The following FHIT variants were observed in gnomAD, a reference collection of about 807,000 sequenced individuals.
The protein encoded by FHIT is fragile histidine triad diadenosine triphosphatase.
A neutral mutation model predicts 17.9 loss-of-function variants in FHIT; 19 were observed. The ratio of observed to expected loss-of-function variants is 1.06; its 90% CI spans 0.74 to 1.56. The LOEUF is 1.56. Among genes scored for constraint, FHIT ranks in the 40% most tolerant of loss-of-function variants. The pLI is 0.00. For synonymous variants in FHIT, 81 were observed against 69.7 expected (o/e 1.16, Z -0.81); for missense variants, 248 against 189.2 (o/e 1.31, Z -1.82).
intron 7 of FHIT, among the ~76,000 whole-genome samples, chr3:59,927,062 A>G (rs1705696953): frequency 6.6e-6 from 1 of 152,090 alleles, no homozygotes; most frequent in Non-Finnish European, 1.5e-5. Context: ...CAAAAAGTAT[A>G]AAAAACTCAA....
Position 60,229,423 on chromosome 3 carries a change from AG to A in FHIT, c.104-215272del, listed in dbSNP as rs1291807440. Among the ~76,000 whole-genome samples the A allele has an allele frequency of 8.6e-5, 13 of 150,470 alleles. No individual in the cohort carries two copies. The South Asian group carries it at 1.2e-3, about 14-fold the overall frequency. ...CAAAGTGAGTGAGACATCATCAAAA[AG>A]AAAAAAAAAAAAAGAAAAAGAAAAG... On this transcript the variant is annotated intron_variant, in intron 5 of 9. Transcript: ENST00000492590.
chr3:60,639,133 T>A lies in FHIT; in HGVS notation c.-17-102154A>T, dbSNP rs188075059. On this transcript the variant is annotated intron_variant, in intron 4 of 9. Transcript: ENST00000492590. ...GCTCTATAGTTAAAGCAACTTTGTG[T>A]CCTAAGGGCATTTGCGAATTTGCAT... 1.4e-3 allele frequency among the ~76,000 whole-genome samples: 207 copies of A among 149,354 alleles called. 1 individual carries two copies. The highest frequency in any genetic ancestry group is 3.8e-3 in the African/African-American group (154 of 40,448).
chr3:60,273,138 G>T (rs901085450), intron 5 of FHIT, among the ~76,000 whole-genome samples: 3 of 152,166 alleles, frequency 2.0e-5, no homozygotes, highest in Non-Finnish European at 2.9e-5. Context: ...TGCTTAGACA[G>T]GAAATTTTAT....
At chr3:59,919,102 T>C (rs573483260) in intron 8 of FHIT, among the ~76,000 whole-genome samples, 267 of 152,304 alleles carry the variant, frequency 1.8e-3, no homozygotes, top group African/African-American at 6.2e-3. Context: ...AACCCCCCAC[T>C]ATTTGTTACA....
At chr3:60,865,493 T>G (rs903016602) in intron 3 of FHIT, among the ~76,000 whole-genome samples, 1 of 152,166 alleles carries the variant, frequency 6.6e-6, no homozygotes, top group East Asian at 1.9e-4. Flanking sequence ...ATTCAGTTTA[T>G]TTTAAGATTA....
intron 3 of FHIT, among the ~76,000 whole-genome samples, chr3:60,870,678 C>CT (rs1488862481): frequency 3.4e-4 from 52 of 152,296 alleles, no homozygotes; most frequent in Admixed American, 2.7e-3. Flanking sequence ...ATCTGATGCT[C>CT]TGGCTTCCCA....
chr3:60,045,547 G>A (rs1187450807), intron 5 of FHIT, among the ~76,000 whole-genome samples: 1 of 151,986 alleles, frequency 6.6e-6, no homozygotes, highest in Non-Finnish European at 1.5e-5. Flanking sequence ...TTTGGGTGGG[G>A]ACACAGCCAA....
intron 5 of FHIT, among the ~76,000 whole-genome samples, chr3:60,068,313 C>T (rs1169345151): frequency 6.6e-6 from 1 of 152,178 alleles, no homozygotes; most frequent in Non-Finnish European, 1.5e-5. Context: ...AAAATGTTTG[C>T]TTTCCCAAAG....
chr3:60,628,495 A>G (rs1375487315), intron 4 of FHIT, among the ~76,000 whole-genome samples: 2 of 152,192 alleles, frequency 1.3e-5, no homozygotes, highest in African/African-American at 4.8e-5. Context: ...ATTACTGGAT[A>G]ATCATTCTAT....
At chr3:60,395,268 T>C (rs1701390062) in intron 5 of FHIT, among the ~76,000 whole-genome samples, 1 of 152,278 alleles carries the variant, frequency 6.6e-6, no homozygotes, top group African/African-American at 2.4e-5. Flanking sequence ...TACCACTGCC[T>C]GGACACTTTC....
At chr3:60,098,236 T>C (rs1421148640) in intron 5 of FHIT, among the ~76,000 whole-genome samples, 6 of 141,474 alleles carry the variant, frequency 4.2e-5, no homozygotes, top group African/African-American at 1.3e-4. Flanking sequence ...TACCCAGTAA[T>C]GGGATGGCTG....
At chr3:60,022,709 G>T (rs1700597472) in intron 5 of FHIT, among the ~76,000 whole-genome samples, 1 of 152,174 alleles carries the variant, frequency 6.6e-6, no homozygotes, top group African/African-American at 2.4e-5. Flanking sequence ...CTGATAAGGA[G>T]CAGGAGGAAA....
intron 3 of FHIT, among the ~76,000 whole-genome samples, chr3:60,871,623 T>C (rs1553755058): frequency 1.3e-5 from 2 of 152,088 alleles, no homozygotes; most frequent in Non-Finnish European, 2.9e-5. Flanking sequence ...GGATGCTAAA[T>C]GTCTGACTGT....
chr3:60,420,958 C>T (rs1444756607), intron 5 of FHIT, among the ~76,000 whole-genome samples: 1 of 152,010 alleles, frequency 6.6e-6, no homozygotes, highest in Non-Finnish European at 1.5e-5. Flanking sequence ...CAAATTCTAA[C>T]TTTCTCGTCT....
chr3:60,213,776 C>T (rs1703566426), intron 5 of FHIT, among the ~76,000 whole-genome samples: 1 of 152,148 alleles, frequency 6.6e-6, no homozygotes, highest in African/African-American at 2.4e-5. Flanking sequence ...TATTCCATTA[C>T]CTGATTGTGA....
At chr3:61,205,741 G>A (rs2039207244) in intron 1 of FHIT, among the ~76,000 whole-genome samples, 2 of 152,064 alleles carry the variant, frequency 1.3e-5, no homozygotes, top group Non-Finnish European at 2.9e-5. Flanking sequence ...TGAGTAGATT[G>A]CAAAAATTTT....
intron 8 of FHIT, among the ~76,000 whole-genome samples, chr3:59,834,785 T>C (rs2106720359): frequency 6.6e-6 from 1 of 152,242 alleles, no homozygotes; most frequent in East Asian, 1.9e-4. Context: ...ACACAAACAT[T>C]CAGTCTATAA....
chr3:60,164,928 A>G (rs968513903), intron 5 of FHIT, among the ~76,000 whole-genome samples: 4 of 152,184 alleles, frequency 2.6e-5, no homozygotes, highest in African/African-American at 9.6e-5. Context: ...TCCAGGACAG[A>G]TAACCCAGTT....
At chr3:60,686,827 G>GC (rs1280563132) in intron 4 of FHIT, among the ~76,000 whole-genome samples, 1 of 152,146 alleles carries the variant, frequency 6.6e-6, no homozygotes, top group East Asian at 1.9e-4. Context: ...ACTCTGTGTG[G>GC]CCCTACCTGT....
Sources: allele counts gnomAD v4.1 joint callset (sites outside exome capture counted in the v4.1 genomes callset), GRCh38; gene constraint gnomAD v4.1.1; transcripts MANE v1.5; gene names NCBI Gene and HGNC (gene_info 2026-07-23, HGNC 2026-07-21).